The following THADA variants were observed in gnomAD, a reference collection of about 807,000 sequenced individuals.
The protein encoded by THADA is tRNA (32-2'-O)-methyltransferase regulator THADA.
THADA carries 213 observed loss-of-function variants against 219.8 expected under a neutral mutation model. That is an observed-to-expected ratio of 0.97 (90% confidence interval 0.87 to 1.09). The LOEUF (loss-of-function observed/expected upper bound fraction) is 1.09. Among genes scored for constraint, THADA ranks in the 50% least tolerant of loss-of-function variants. The pLI, the probability that THADA is intolerant of heterozygous loss-of-function variation, is 0.00. For missense variants in THADA, 2,956 were observed against 2,311.3 expected, an observed-to-expected ratio of 1.28 and a Z score of -5.72; for synonymous variants, 1,018 against 828.9, an observed-to-expected ratio of 1.23 and a Z score of -3.92.
Position 43,364,123 on chromosome 2 carries a change from C to T in THADA, c.4228-19886G>A, listed in dbSNP as rs545616833. ...CCTTTAGTTCCAGCTACCAGGGAGGCTGAGGAGGGAGGATGGCTCGAGCTG... is the reference window on the plus strand; with the variant it reads ...CCTTTAGTTCCAGCTACCAGGGAGGTTGAGGAGGGAGGATGGCTCGAGCTG... On this transcript the variant is annotated intron_variant, in intron 29 of 37. Transcript: ENST00000405975. Among the ~76,000 whole-genome samples, 273 of 152,046 alleles carry T rather than the reference C, an allele frequency of 1.8e-3. 1 individual carries two copies. The highest frequency in any genetic ancestry group is 3.0e-3 in the Non-Finnish European group (207 of 67,976).
At chr2:43,478,572 A>T (rs1685813772) in intron 26 of THADA, among the ~76,000 whole-genome samples, 1 of 152,228 alleles carries the variant, frequency 6.6e-6, no homozygotes. Flanking sequence ...CAAAGCTAAG[A>T]AAAAATATTT....
intron 35 of THADA, among the ~76,000 whole-genome samples, chr2:43,286,230 G>A (rs1673987129): frequency 6.6e-6 from 1 of 152,232 alleles, no homozygotes; most frequent in African/African-American, 2.4e-5. Context: ...GTGTTAGGGA[G>A]TGGTGGATGA....
Position 43,574,337 on chromosome 2 carries a change from A to G in THADA, c.1728T>C (p.Thr576=), listed in dbSNP as rs1699609067. ...AAAACAAAAATGCATTTTTCTTACC[A>G]GTTTTAGCATCAATAGAAGTCTGAA... is the stretch of plus-strand genomic sequence containing the variant. The part of the protein sequence containing the change: ...KILQTSIDAK[T]GQEQSFPSLG... The change falls in exon 11 of 38, where the codon ACT becomes ACC. Residue 576 remains threonine, a splice_region_variant and synonymous_variant. Coordinates refer to ENST00000405975, the MANE Select transcript of THADA (RefSeq NM_022065.5). 1.3e-6 allele frequency: 2 copies of G among 1,536,116 alleles called. No individual in the cohort carries two copies. Among genetic ancestry groups the G allele is most frequent in the Non-Finnish European group, 1.7e-6 (2 of 1,145,458 alleles).
At chr2:43,370,172 T>C (rs997720615) in intron 29 of THADA, 2 of 152,236 alleles carry the variant, frequency 1.3e-5, no homozygotes, top group Admixed American at 1.3e-4. Flanking sequence ...AGAATGAGAA[T>C]GCAAACTTAG....
At chr2:43,389,928 C>T (rs747835271) in intron 29 of THADA, among the ~76,000 whole-genome samples, 2 of 152,130 alleles carry the variant, frequency 1.3e-5, no homozygotes, top group Non-Finnish European at 2.9e-5. Context: ...GTTTATTTTC[C>T]AGGTAGCTCA....
intron 7 of THADA, among the ~76,000 whole-genome samples, chr2:43,585,218 A>G (rs1227848040): frequency 6.6e-6 from 1 of 152,044 alleles, no homozygotes; most frequent in Admixed American, 6.6e-5. Context: ...GTTATTAAAC[A>G]TGACTACCCT....
At chr2:43,501,307 CAAAAAAAAAAAAAA>C (rs60448094) in intron 24 of THADA, among the ~76,000 whole-genome samples, 26 of 15,052 alleles carry the variant, frequency 1.7e-3, no homozygotes, top group Admixed American at 4.9e-3. Flanking sequence ...ACTCCAACTC[CAAAAAAAAAAAAAA>C]AAAAAAAAAA....
Position 43,574,461 on chromosome 2 carries a change from C to T in THADA, c.1604G>A (p.Cys535Tyr), listed in dbSNP as rs777509903. 2 of 1,613,506 alleles carry T rather than the reference C, an allele frequency of 1.2e-6. No homozygotes were observed. The highest frequency in any genetic ancestry group is 1.7e-6 in the Non-Finnish European group (2 of 1,179,660). The stretch of plus-strand genomic sequence containing the variant: ...AGATTTTTGATCCAAGTTTCCTTCA[C>T]ACAATATAAAAAGGAGAGGAGAAAC... ...TWVSPLLFIL[C>Y]EGNLDQKSYV... Residue 535 changes from cysteine to tyrosine, a missense_variant, in exon 11 of 38, where the codon TGT becomes TAT. Cys to Tyr is a radical substitution (Grantham distance 194, BLOSUM62 -2). Transcript: ENST00000405975.
At chr2:43,349,378 C>A (rs972207893) in intron 29 of THADA, among the ~76,000 whole-genome samples, 2 of 152,194 alleles carry the variant, frequency 1.3e-5, no homozygotes, top group Non-Finnish European at 2.9e-5. Context: ...TCCATTTTGG[C>A]AGCTTTGAAA....
chr2:43,351,697 G>T (rs1017318307), intron 29 of THADA, among the ~76,000 whole-genome samples: 1 of 152,176 alleles, frequency 6.6e-6, no homozygotes. Context: ...ATTCTACCAC[G>T]GTCTTGCTAG....
chr2:43,427,599 A>G (rs1678628307), intron 28 of THADA, among the ~76,000 whole-genome samples: 1 of 148,766 alleles, frequency 6.7e-6, no homozygotes. Context: ...TTTACATATA[A>G]TATATATAAT....
intron 26 of THADA, among the ~76,000 whole-genome samples, chr2:43,439,267 G>C (rs1680540325): frequency 6.6e-6 from 1 of 150,654 alleles, no homozygotes; most frequent in Non-Finnish European, 1.5e-5. Context: ...GAGATCTTGA[G>C]AGAGACGGAG....
intron 26 of THADA, among the ~76,000 whole-genome samples, chr2:43,479,952 T>C (rs1385861019): frequency 6.6e-6 from 1 of 152,228 alleles, no homozygotes; most frequent in Non-Finnish European, 1.5e-5. Context: ...CAACCTACTA[T>C]GTGGGAGATT....
chr2:43,365,683 T>C (rs1558645818), intron 29 of THADA, among the ~76,000 whole-genome samples: 1 of 151,442 alleles, frequency 6.6e-6, no homozygotes, highest in Non-Finnish European at 1.5e-5. Flanking sequence ...GATAGCAGTG[T>C]AGAGAATAAG....
chr2:43,347,247 T>C (rs1245395772), intron 29 of THADA, among the ~76,000 whole-genome samples: 1 of 152,202 alleles, frequency 6.6e-6, no homozygotes, highest in African/African-American at 2.4e-5. Flanking sequence ...CGTATAATAA[T>C]ATCTAACTTG....
intron 22 of THADA, among the ~76,000 whole-genome samples, chr2:43,518,557 G>C (rs768420607): frequency 6.6e-6 from 1 of 152,162 alleles, no homozygotes; most frequent in Non-Finnish European, 1.5e-5. Flanking sequence ...GGGTTCAAAA[G>C]CAAGTATAGT....
chr2:43,361,851 T>C (rs1246175265), intron 29 of THADA, among the ~76,000 whole-genome samples: 2 of 152,228 alleles, frequency 1.3e-5, no homozygotes, highest in Non-Finnish European at 2.9e-5. Flanking sequence ...AAGAATAAGT[T>C]GTACCACTCA....
chr2:43,266,034 T>A (rs1412960455), intron 36 of THADA, among the ~76,000 whole-genome samples: 1 of 150,668 alleles, frequency 6.6e-6, no homozygotes, highest in Non-Finnish European at 1.5e-5. Flanking sequence ...ACCACCACTA[T>A]GTTCTATGAG....
intron 28 of THADA, among the ~76,000 whole-genome samples, chr2:43,418,659 C>T (rs11124932): frequency 0.24 from 35,794 of 151,796 alleles, 4,330 homozygotes; most frequent in South Asian, 0.32. Context: ...GATCTAGGAC[C>T]AGGTAAGTGT....
Sources: gnomAD v4.1 joint callset for allele counts (sites outside exome capture counted in the v4.1 genomes callset) on GRCh38, gnomAD v4.1.1 for gene constraint, MANE v1.5 for transcripts, NCBI Gene and HGNC (gene_info 2026-07-23, HGNC 2026-07-21) for gene names.